Variants in YY1AP1 observed in about 807,000 individuals in gnomAD.
The protein encoded by YY1AP1 is YY1-associated protein 1.
YY1AP1 carries 43 observed loss-of-function variants against 39.9 expected under a neutral mutation model. That is an observed-to-expected ratio of 1.08 (90% CI 0.84 to 1.39). YY1AP1 has a LOEUF of 1.39. Among genes scored for constraint, YY1AP1 ranks in the 40% most tolerant of loss-of-function variants. The pLI is 0.00. For missense variants in YY1AP1, 813 were observed against 900.7 expected, an observed-to-expected ratio of 0.90 and a Z score of 1.25; for synonymous variants, 292 against 331.3, an observed-to-expected ratio of 0.88 and a Z score of 1.29.
At chr1:155,661,700 G>C (rs2149023713) in intron 9 of YY1AP1, among the ~76,000 whole-genome samples, 1 of 152,344 alleles carries the variant, frequency 6.6e-6, no homozygotes, top group East Asian at 1.9e-4. Flanking sequence ...CTGTCGCCCA[G>C]GATGGAGTGC....
chr1:155,673,828 C>G (rs1650205933), intron 6 of YY1AP1, among the ~76,000 whole-genome samples: 1 of 152,016 alleles, frequency 6.6e-6, no homozygotes, highest in African/African-American at 2.4e-5. Context: ...GCTGGGACTA[C>G]AGGCATGAGC....
In YY1AP1 at chr1:155,660,486, T is replaced by C. The variant is rs1272247070; in HGVS notation, c.1424A>G (p.Glu475Gly). The C allele has an allele frequency of 1.2e-6, 2 of 1,614,082 alleles. No individual in the cohort carries two copies. Among genetic ancestry groups the C allele is most frequent in the Admixed American group, 3.3e-5 (2 of 60,008 alleles). ...GVPPLGVSGG[E>G]SFESPAALPA... ...CAGTGCTGCAGGAGACTCAAAACTC[T>C]CACCTCCACTGACCCCCAGTGGAGG... The change falls in exon 11 of 11, where the codon GAG becomes GGG. Residue 475 changes from glutamate to glycine, a missense_variant. Physicochemically the swap from Glu to Gly is moderately conservative, Grantham distance 98 (BLOSUM62 -2). Coordinates refer to ENST00000355499, the MANE Select transcript of YY1AP1 (RefSeq NM_139119.3).
At chr1:155,661,799 G>A (rs1318776135) in intron 9 of YY1AP1, among the ~76,000 whole-genome samples, 1 of 152,114 alleles carries the variant, frequency 6.6e-6, no homozygotes, top group African/African-American at 2.4e-5. Context: ...GGGACTACAG[G>A]TGCCCGCCAC....
At chr1:155,684,737 C>T (rs1455798990) in intron 2 of YY1AP1, among the ~76,000 whole-genome samples, 3 of 152,028 alleles carry the variant, frequency 2.0e-5, no homozygotes, top group Admixed American at 2.0e-4. Context: ...AGGTGCACTC[C>T]AACACATGCA....
intron 5 of YY1AP1, among the ~76,000 whole-genome samples, chr1:155,676,314 G>A (rs1650669855): frequency 6.6e-6 from 1 of 152,162 alleles, no homozygotes; most frequent in Non-Finnish European, 1.5e-5. Flanking sequence ...AGGACTCTTT[G>A]AAATCTGTAA....
chr1:155,660,605 T>C lies in YY1AP1; in HGVS notation c.1305A>G (p.Gln435=). The change falls in exon 11 of 11, where the codon CAA becomes CAG. Residue 435 remains glutamine (Q), a synonymous_variant. Coordinates refer to ENST00000355499, the MANE Select transcript of YY1AP1 (RefSeq NM_139119.3). ...TCGGAGGGGCTTCTGAATGAGTTGA[T>C]TGGGCTGGTGTTTTCCCAGGGTTGA... ...PSFNPGKTPA[Q]STHSEAPPSK... is the part of the protein sequence containing the mutation. 6.2e-7 allele frequency: 1 copy of C among 1,614,136 alleles called. No individual in the cohort carries two copies. The highest frequency in any genetic ancestry group is 2.2e-5 in the East Asian group (1 of 44,880).
intron 6 of YY1AP1, 69 bp downstream of exon 6, chr1:155,674,941 T>C (rs1650420967): frequency 7.2e-7 from 1 of 1,391,538 alleles, no homozygotes; most frequent in Admixed American, 1.8e-5. Context: ...AGAGAATAAC[T>C]GTGAGAAATA....
In YY1AP1 at chr1:155,660,185, C is replaced by T; in HGVS notation, c.1725G>A (p.Gln575=). The T allele has an allele frequency of 1.2e-6, 2 of 1,614,148 alleles. No homozygotes were observed. Among genetic ancestry groups the T allele is most frequent in the Non-Finnish European group, 8.5e-7 (1 of 1,180,022 alleles). The change falls in exon 11 of 11, where the codon CAG becomes CAA. Residue 575 remains glutamine (Q), a synonymous_variant. Coordinates refer to ENST00000355499, the MANE Select transcript of YY1AP1 (RefSeq NM_139119.3). ...TCTGGGCCACAGCCGCATTGACAGG[C>T]TGGATCATGTTACAGCCACCGCCAA... ...VSLGGGCNMI[Q]PVNAAVAQSP...
intron 7 of YY1AP1, among the ~76,000 whole-genome samples, chr1:155,671,883 A>T (rs1356964679): frequency 6.6e-6 from 1 of 152,208 alleles, no homozygotes; most frequent in African/African-American, 2.4e-5. Flanking sequence ...AGACTTAGGG[A>T]TTTAAAATAG....
intron 9 of YY1AP1, among the ~76,000 whole-genome samples, chr1:155,663,401 G>C (rs894646780): frequency 7.0e-6 from 1 of 143,218 alleles, no homozygotes; most frequent in Non-Finnish European, 1.5e-5. Flanking sequence ...TTCTGCAGAA[G>C]AATAAGGTTT....
chr1:155,672,676 G>C lies in YY1AP1; in HGVS notation c.467C>G (p.Pro156Arg). The C allele has an allele frequency of 6.2e-7, 1 of 1,614,136 alleles. No homozygotes were observed. The highest frequency in any genetic ancestry group is 8.5e-7 in the Non-Finnish European group (1 of 1,180,016). ...SSIALHHQYN[P>R]KFQTLFQPCN... ...GGGTTGGAACAGGGTCTGAAACTTGGGGTTGTACTGATGGTGAAGGGCGAT... is the reference window on the plus strand; with the variant it reads ...GGGTTGGAACAGGGTCTGAAACTTGCGGTTGTACTGATGGTGAAGGGCGAT... Residue 156 changes from proline (P) to arginine (R), a missense_variant, in exon 7 of 11, where the codon CCC becomes CGC. This residue lies in a region of YY1AP1 where 196 missense variants were observed against 189.7 expected (regional missense o/e 1.03). Coordinates refer to ENST00000355499, the MANE Select transcript of YY1AP1 (RefSeq NM_139119.3).
At position 155,659,662 on chromosome 1, in the gene YY1AP1, G is replaced by T; in HGVS notation, c.2248C>A (p.Leu750Ile). 3 of 1,614,146 alleles carry T rather than the reference G, an allele frequency of 1.9e-6. No individual in the cohort carries two copies. The highest frequency in any genetic ancestry group is 1.1e-5 in the South Asian group (1 of 91,080). The part of the protein sequence containing the change: ...EDATEEISGF[L>I] Reference sequence around the variant, plus strand: ...CAGACTCTTATTCTCCTAGCTCAAAGAAATCCACTGATTTCCTCTGTAGCA... The same window carrying T: ...CAGACTCTTATTCTCCTAGCTCAAATAAATCCACTGATTTCCTCTGTAGCA... The change falls in exon 11 of 11, where the codon CTT (leucine) becomes ATT (isoleucine). Residue 750 changes from leucine (L) to isoleucine (I), a missense_variant. Leu to Ile is a conservative substitution (Grantham distance 5). Around this residue, in one of 3 missense-constraint regions of YY1AP1, gnomAD observed 586 missense variants for 647.4 expected, o/e 0.91. Transcript: ENST00000355499.
chr1:155,659,940 G>C lies in YY1AP1; in HGVS notation c.1970C>G (p.Pro657Arg), dbSNP rs1432169882. The C allele has an allele frequency of 6.2e-7, 1 of 1,614,186 alleles. No individual in the cohort carries two copies. The highest frequency in any genetic ancestry group is 1.7e-5 in the Admixed American group (1 of 60,020). Residue 657 changes from proline to arginine, a missense_variant, in exon 11 of 11, where the codon CCC (proline) becomes CGC (arginine). This residue lies in a region of YY1AP1 where 586 missense variants were observed against 647.4 expected (regional missense o/e 0.91). Coordinates refer to ENST00000355499, the MANE Select transcript of YY1AP1 (RefSeq NM_139119.3). ...AGATAGTTCCTGGGGCTCTAATTTG[G>C]GTTCTAGGCCCTGAAAGGCATTTTC... ...DGENAFQGLE[P>R]KLEPQELSPL... is the part of the protein sequence containing the mutation.
rs896000145 is a variant in YY1AP1 at position 155,676,489 on chromosome 1, A to T, written c.324+59T>A. ...AAGCTGCTAATTTTAGATTATACCA[A>T]AGCCTCAGAGTTAGGCCTTGGTATA... On this transcript the variant is annotated intron_variant, in intron 5 of 10. Coordinates refer to ENST00000355499, the MANE Select transcript of YY1AP1 (RefSeq NM_139119.3). 3.8e-6 allele frequency: 6 copies of T among 1,598,178 alleles called. No individual in the cohort carries two copies. In the African/African-American group the frequency reaches 8.1e-5, roughly 21 times the overall value.
intron 8 of YY1AP1, 98 bp from the exon 9 acceptor site, chr1:155,668,875 T>C: frequency 6.4e-7 from 1 of 1,572,984 alleles, no homozygotes; most frequent in Admixed American, 1.8e-5. Context: ...TTTTCTTACT[T>C]GTTCTTAAAA....
chr1:155,681,688 A>G (rs1651545843), intron 2 of YY1AP1, among the ~76,000 whole-genome samples: 1 of 152,228 alleles, frequency 6.6e-6, no homozygotes, highest in Non-Finnish European at 1.5e-5. Context: ...GTGAATTAGA[A>G]GACCAAGAGA....
rs534931519 is a variant in YY1AP1, at chr1:155,685,288, T to G, written c.-21+2783A>C. ...ATATGTTTCCCTCTTCCTTGTCCTTTTGAGAGCTGCCACTATCACACAATT... is the reference window on the plus strand; with the variant it reads ...ATATGTTTCCCTCTTCCTTGTCCTTGTGAGAGCTGCCACTATCACACAATT... On this transcript the variant is annotated intron_variant, in intron 2 of 10. Coordinates refer to ENST00000355499, the MANE Select transcript of YY1AP1 (RefSeq NM_139119.3). Among the ~76,000 whole-genome samples the G allele has an allele frequency of 5.0e-4, 76 of 152,344 alleles. 2 individuals carry two copies. In the South Asian group the frequency reaches 0.015, roughly 30 times the overall value.
At position 155,670,483 on chromosome 1, in the gene YY1AP1, C is replaced by T; in HGVS notation, c.584-19G>A. ...TCATTGGCTATAAGAAAATAAATCTCTGATAAATCAACTTCTAGGAAAAAA... is the reference window on the plus strand; with the variant it reads ...TCATTGGCTATAAGAAAATAAATCTTTGATAAATCAACTTCTAGGAAAAAA... On this transcript the variant is annotated intron_variant, in intron 7 of 10. Transcript: ENST00000355499. 1 of 1,613,248 alleles carries T rather than the reference C, an allele frequency of 6.2e-7. No homozygotes were observed. Among genetic ancestry groups the T allele is most frequent in the Non-Finnish European group, 8.5e-7 (1 of 1,179,814 alleles).
intron 5 of YY1AP1, among the ~76,000 whole-genome samples, chr1:155,676,233 A>G (rs1384942748): frequency 2.6e-5 from 4 of 151,878 alleles, no homozygotes; most frequent in African/African-American, 9.7e-5. Flanking sequence ...AAAAAAAAAG[A>G]AAAAAGAAAA....
Sources: gnomAD v4.1 joint callset for allele counts (sites outside exome capture counted in the v4.1 genomes callset) on GRCh38, gnomAD v4.1.1 for gene constraint, gnomAD v4.1.1 regional missense constraint, MANE v1.5 for transcripts, NCBI Gene and HGNC (gene_info 2026-07-23, HGNC 2026-07-21) for gene names.